The following ITPK1 variants were observed in gnomAD, a reference collection of about 807,000 sequenced individuals.
The protein encoded by ITPK1 is inositol 1,3,4-trisphosphate 5/6-kinase.
Under a neutral mutation model 45.3 loss-of-function variants are expected in ITPK1, and 21 were observed. The observed-to-expected ratio is 0.46, with a 90% CI of 0.33 to 0.67. The LOEUF (loss-of-function observed/expected upper bound fraction) is 0.67, where lower values mean the gene tolerates loss of function less well. Ranked by LOEUF, ITPK1 falls within the 30% of genes least tolerant of loss-of-function variation. The probability of loss-of-function intolerance (pLI) is 0.02; values close to 1 mark genes in which losing one functional copy is unlikely to be tolerated. For missense variants in ITPK1, 474 were observed against 573.5 expected, an observed-to-expected ratio of 0.83 and a Z score of 1.77; for synonymous variants, 258 against 253.6, an observed-to-expected ratio of 1.02 and a Z score of -0.16.
In ITPK1 at chr14:93,060,248, G is replaced by A. The variant is rs147182948; in HGVS notation, c.120+16347C>T. Among the ~76,000 whole-genome samples the A allele has an allele frequency of 2.5e-3, 386 of 152,246 alleles. 3 individuals carry two copies. Among genetic ancestry groups the A allele is most frequent in the African/African-American group, 8.7e-3 (360 of 41,542 alleles). On this transcript the variant is annotated intron_variant, in intron 3 of 10. Coordinates refer to ENST00000267615, the MANE Select transcript of ITPK1 (RefSeq NM_014216.6). ...GGCTCTAGGTGCCTCACCAGCCCCCGCTGCTCCCTTAACCCTGCCCACAGC... is the reference window on the plus strand; with the variant it reads ...GGCTCTAGGTGCCTCACCAGCCCCCACTGCTCCCTTAACCCTGCCCACAGC...
intron 3 of ITPK1, among the ~76,000 whole-genome samples, chr14:93,064,008 G>A (rs1418509953): frequency 6.6e-6 from 1 of 152,194 alleles, no homozygotes; most frequent in African/African-American, 2.4e-5. Flanking sequence ...AATTGGCCGG[G>A]CATGGTGGCT....
chr14:93,049,819 T>C (rs572418102), intron 3 of ITPK1, among the ~76,000 whole-genome samples: 2 of 149,026 alleles, frequency 1.3e-5, no homozygotes, highest in South Asian at 2.2e-4. Context: ...AGAAAAGATG[T>C]GGATGTGGAG....
At chr14:92,941,937 T>TGAGCCAGGGGCAC (rs1417240543) in intron 10 of ITPK1, 33 bp from the exon 11 acceptor site, 1 of 1,592,706 alleles carries the variant, frequency 6.3e-7, no homozygotes. Flanking sequence ...ACAAGGGGCG[T>TGAGCCAGGGGCAC]GAGCCAGGGG....
At chr14:93,077,053 T>C (rs540632949) in intron 2 of ITPK1, among the ~76,000 whole-genome samples, 2 of 152,112 alleles carry the variant, frequency 1.3e-5, no homozygotes. Context: ...CAGCCAGTCA[T>C]GCCCCAACCC....
rs1011908615 is a variant in ITPK1 at position 93,032,003 on chromosome 14, A to G, written c.121-15202T>C. On this transcript the variant is annotated intron_variant, in intron 3 of 10. Coordinates refer to ENST00000267615, the MANE Select transcript of ITPK1 (RefSeq NM_014216.6). This position sits in a 1 kb window ranked among gnomAD's most constrained non-coding sequence, Gnocchi z 4.0. ...ACTCTTTCTATATTCATTGCTTTCC[A>G]ATCCGAAGAGAGCATTCCTTGAGGC... 6.6e-6 allele frequency among the ~76,000 whole-genome samples: 1 copy of G among 152,214 alleles called. No homozygotes were observed. The highest frequency in any genetic ancestry group is 1.5e-5 in the Non-Finnish European group (1 of 68,036).
chr14:93,013,126 G>A (rs144447949), intron 4 of ITPK1, among the ~76,000 whole-genome samples: 2,785 of 152,316 alleles, frequency 0.018, 68 homozygotes, highest in Admixed American at 0.076. Context: ...AGGCCCTGGG[G>A]GCCCCTGCCT....
At chr14:93,089,746 C>A (rs373809605) in intron 2 of ITPK1, among the ~76,000 whole-genome samples, 1 of 152,146 alleles carries the variant, frequency 6.6e-6, no homozygotes, top group South Asian at 2.1e-4. Context: ...TCTCGGCAGG[C>A]GGGCACAGCC....
rs1887256406 is a variant in ITPK1 at position 92,939,635 on chromosome 14, C to T, written c.*1926G>A. On this transcript the variant is annotated 3_prime_UTR_variant, in exon 11 of 11. Coordinates refer to ENST00000267615, the MANE Select transcript of ITPK1 (RefSeq NM_014216.6). ...GAGGCCTATGGACGCCACCACGACA[C>T]CACATGGCAGTTACTCGGTATCTGG... 1.0e-6 allele frequency: 1 copy of T among 978,118 alleles called. No individual in the cohort carries two copies. Among genetic ancestry groups the T allele is most frequent in the South Asian group, 4.7e-5 (1 of 21,128 alleles). The allele number at this position is 978,118 out of a possible 1,614,324, so 60.6% of individuals were successfully genotyped here. A position where few individuals can be genotyped will look rare whatever the true frequency, so the allele number is the denominator to read the frequency against.
At chr14:92,993,520 C>T (rs1886897596) in intron 5 of ITPK1, among the ~76,000 whole-genome samples, 1 of 152,174 alleles carries the variant, frequency 6.6e-6, no homozygotes, top group South Asian at 2.1e-4. Flanking sequence ...CTGTTTGTGT[C>T]CTCCGCGCAG....
chr14:93,112,154 G>A (rs1892780484), intron 2 of ITPK1, among the ~76,000 whole-genome samples: 2 of 152,072 alleles, frequency 1.3e-5, no homozygotes, highest in South Asian at 4.1e-4. Flanking sequence ...AAGATAATGA[G>A]GGAGACTGCC....
Position 93,086,705 on chromosome 14 carries a change from C to G in ITPK1, c.96-10086G>C, listed in dbSNP as rs532972354. 7.9e-5 allele frequency among the ~76,000 whole-genome samples: 12 copies of G among 152,292 alleles called. No homozygotes were observed. In the South Asian group the frequency reaches 1.9e-3, roughly 24 times the overall value. The stretch of plus-strand genomic sequence containing the variant: ...CAGTAGAGCTGCTGTGTGAGCCAGG[C>G]CCTGGAGGGGAGGGAGAGGGAGGCT... On this transcript the variant is annotated intron_variant, in intron 2 of 10. Coordinates refer to ENST00000267615, the MANE Select transcript of ITPK1 (RefSeq NM_014216.6).
At chr14:93,045,970 C>T (rs940468971) in intron 3 of ITPK1, among the ~76,000 whole-genome samples, 1 of 152,184 alleles carries the variant, frequency 6.6e-6, no homozygotes, top group African/African-American at 2.4e-5. Flanking sequence ...CACTGCCTCC[C>T]AAGCGGTCAC....
intron 3 of ITPK1, among the ~76,000 whole-genome samples, chr14:93,025,294 G>A (rs1444379961): frequency 4.6e-5 from 7 of 152,314 alleles, no homozygotes; most frequent in African/African-American, 1.4e-4. Context: ...ACAGTGGTAA[G>A]GCCTGCCTAG....
intron 3 of ITPK1, among the ~76,000 whole-genome samples, chr14:93,019,568 C>T (rs1013327699): frequency 2.2e-4 from 33 of 152,184 alleles, no homozygotes; most frequent in African/African-American, 6.8e-4. Context: ...GGCCGCCTCT[C>T]GCTGTGGCGT....
intron 2 of ITPK1, among the ~76,000 whole-genome samples, chr14:93,086,671 G>A (rs1412765972): frequency 6.6e-6 from 1 of 152,238 alleles, no homozygotes; most frequent in Non-Finnish European, 1.5e-5. Flanking sequence ...AGGAGGCACA[G>A]GGAAGTTTCA....
chr14:93,022,836 A>AAAT, intron 3 of ITPK1, among the ~76,000 whole-genome samples: 1 of 151,944 alleles, frequency 6.6e-6, no homozygotes, highest in African/African-American at 2.4e-5. Flanking sequence ...ATATCTCTTA[A>AAAT]AAAACAACAA....
In ITPK1 at chr14:92,938,767, G is replaced by A. The variant is rs193239474; in HGVS notation, c.*2794C>T. The stretch of plus-strand genomic sequence containing the variant: ...GGGTGGCCTCCCCTTGGCTCTTGGG[G>A]TGGGGACACCCAGCAGCTGGCACTC... On this transcript the variant is annotated 3_prime_UTR_variant, in exon 11 of 11. Transcript: ENST00000267615. 39 of 591,414 alleles carry A rather than the reference G, an allele frequency of 6.6e-5. No homozygotes were observed. Among genetic ancestry groups the A allele is most frequent in the African/African-American group, 6.2e-4 (33 of 53,646 alleles). The allele number at this position is 591,414 out of a possible 1,614,324, so 36.6% of individuals were successfully genotyped here.
intron 5 of ITPK1, among the ~76,000 whole-genome samples, chr14:92,981,029 C>T (rs373466707): frequency 4.6e-5 from 7 of 152,242 alleles, no homozygotes; most frequent in South Asian, 2.1e-4. Context: ...TTTTCTTGGC[C>T]GCCGTGGAGA....
intron 2 of ITPK1, among the ~76,000 whole-genome samples, chr14:93,099,051 TG>T (rs1892203072): frequency 6.6e-6 from 1 of 152,178 alleles, no homozygotes; most frequent in Admixed American, 6.5e-5. Flanking sequence ...CCCTGATATA[TG>T]GAACATCCTG....
Sources: allele counts gnomAD v4.1 joint callset (sites outside exome capture counted in the v4.1 genomes callset), GRCh38; gene constraint gnomAD v4.1.1; non-coding constraint Gnocchi (gnomAD v3.1); transcripts MANE v1.5; gene names NCBI Gene and HGNC (gene_info 2026-07-23, HGNC 2026-07-21).